The following BATF variants were observed in gnomAD, a reference collection of about 807,000 sequenced individuals.
BATF encodes basic leucine zipper ATF-like transcription factor.
Under a neutral mutation model 13.7 loss-of-function variants are expected in BATF, and 5 were observed. That is an observed-to-expected ratio of 0.36 (90% CI 0.19 to 0.77). BATF has a LOEUF of 0.77. Ranked by LOEUF, BATF falls within the 30% of genes least tolerant of loss-of-function variation. BATF has a pLI of 0.51. For missense variants in BATF, 124 were observed against 163.0 expected (o/e 0.76, Z 1.30); for synonymous variants, 72 against 67.5 (o/e 1.07, Z -0.33).
chr14:75,527,406 G>T (rs146246904), intron 2 of BATF, among the ~76,000 whole-genome samples: 1 of 152,182 alleles, frequency 6.6e-6, no homozygotes, highest in Non-Finnish European at 1.5e-5. Flanking sequence ...TGGTCCCATT[G>T]TATGCCTGGT....
chr14:75,522,937 C>G (rs1337189372), intron 1 of BATF, among the ~76,000 whole-genome samples, 192 bp downstream of exon 1: 2 of 152,186 alleles, frequency 1.3e-5, no homozygotes, highest in Non-Finnish European at 2.9e-5. Context: ...TCCTTCCACC[C>G]ATTCTGCCAA....
intron 2 of BATF, among the ~76,000 whole-genome samples, chr14:75,525,465 C>G (rs1887638713): frequency 6.6e-6 from 1 of 151,866 alleles, no homozygotes; most frequent in Admixed American, 6.6e-5. Flanking sequence ...GAGTTCGAGA[C>G]CAGCCTGGCC....
chr14:75,541,812 C>T (rs763183331), intron 2 of BATF, among the ~76,000 whole-genome samples: 4 of 152,222 alleles, frequency 2.6e-5, no homozygotes, highest in East Asian at 3.9e-4. Context: ...TACAGGCATG[C>T]GCCACCACGC....
chr14:75,524,657 A>C (rs1433338576), intron 1 of BATF, among the ~76,000 whole-genome samples: 1 of 152,218 alleles, frequency 6.6e-6, no homozygotes, highest in Admixed American at 6.5e-5. Flanking sequence ...AGGTTGGCAT[A>C]TAGTAGGCAC....
intron 2 of BATF, among the ~76,000 whole-genome samples, chr14:75,535,242 C>A (rs1442873008): frequency 6.6e-6 from 1 of 151,908 alleles, no homozygotes; most frequent in Non-Finnish European, 1.5e-5. Context: ...CCTGTCTCTA[C>A]AAAATATAAA....
intron 2 of BATF, among the ~76,000 whole-genome samples, 181 bp from the exon 3 acceptor site, chr14:75,546,281 A>G (rs1250443948): frequency 2.0e-5 from 3 of 152,116 alleles, no homozygotes; most frequent in African/African-American, 7.2e-5. Flanking sequence ...GCGCCCATAC[A>G]CACCTACAAA....
At position 75,533,931 on chromosome 14, in the gene BATF, G is replaced by C. The variant is rs78128149; in HGVS notation, c.168+8743G>C. Among the ~76,000 whole-genome samples, 549 of 152,242 alleles carry C rather than the reference G, an allele frequency of 3.6e-3. 4 individuals are homozygous for C. Among genetic ancestry groups the C allele is most frequent in the African/African-American group, 0.013 (529 of 41,536 alleles). On this transcript the variant is annotated intron_variant, in intron 2 of 2. Transcript: ENST00000286639. ...TTGTTTCATGCCACTTTGCTGAACA[G>C]AGCTTTACTAGGCAGGTGTTTACAT...
intron 2 of BATF, among the ~76,000 whole-genome samples, chr14:75,536,922 A>G (rs1566768190): frequency 6.6e-6 from 1 of 152,018 alleles, no homozygotes; most frequent in Non-Finnish European, 1.5e-5. Flanking sequence ...TGAGAGGGCA[A>G]ATGTAAGAAC....
rs1887987558 is a variant in BATF, at chr14:75,546,479, G to A, written c.186G>A (p.Glu62=). The change falls in exon 3 of 3, where the codon GAG becomes GAA. Residue 62 remains glutamate (E), a synonymous_variant. Transcript: ENST00000286639. The part of the protein sequence containing the change: ...DTLHLESEDL[E]KQNAALRKEI... ...CCCTACAGGAGAGCGAAGACCTGGA[G>A]AAACAGAACGCGGCTCTACGCAAGG... 2 of 1,614,056 alleles carry A rather than the reference G, an allele frequency of 1.2e-6. No individual in the cohort carries two copies. The highest frequency in any genetic ancestry group is 1.7e-6 in the Non-Finnish European group (2 of 1,180,034).
chr14:75,546,645 G>A lies in BATF; in HGVS notation c.352G>A (p.Val118Ile). ...YSAHAFHQPH[V>I]SSPRFQP ...CGCCCACGCATTCCACCAACCTCAT[G>A]TCAGCTCCCCGCGCTTCCAGCCCTG... is the stretch of plus-strand genomic sequence containing the variant. Residue 118 changes from valine to isoleucine, a missense_variant, in exon 3 of 3, where the codon GTC (valine) becomes ATC (isoleucine). Transcript: ENST00000286639. 1 of 1,609,316 alleles carries A rather than the reference G, an allele frequency of 6.2e-7. No homozygotes were observed. The highest frequency in any genetic ancestry group is 1.3e-5 in the African/African-American group (1 of 74,880).
intron 2 of BATF, among the ~76,000 whole-genome samples, chr14:75,535,324 T>G (rs1665382854): frequency 6.6e-6 from 1 of 152,054 alleles, no homozygotes; most frequent in Non-Finnish European, 1.5e-5. Flanking sequence ...GGTGGGAAGA[T>G]CACTTGAGCC....
At chr14:75,527,490 CCT>C (rs1176027619) in intron 2 of BATF, among the ~76,000 whole-genome samples, 1 of 152,180 alleles carries the variant, frequency 6.6e-6, no homozygotes, top group Non-Finnish European at 1.5e-5. Flanking sequence ...AAGCTGCACC[CCT>C]GTCTCCCTGT....
chr14:75,537,816 T>A (rs1887840083), intron 2 of BATF, among the ~76,000 whole-genome samples: 1 of 151,952 alleles, frequency 6.6e-6, no homozygotes, highest in South Asian at 2.1e-4. Context: ...ACATATTTAA[T>A]AAAATGAAAA....
intron 2 of BATF, 24 bp from the exon 3 acceptor site, chr14:75,546,438 C>T (rs768583522): frequency 1.1e-5 from 18 of 1,612,800 alleles, no homozygotes; most frequent in Non-Finnish European, 1.4e-5. Flanking sequence ...CACTAACCTC[C>T]GGTGCTGATC....
At chr14:75,546,429 A>G (rs1229919388) in intron 2 of BATF, 33 bp from the exon 3 acceptor site, 2 of 1,610,430 alleles carry the variant, frequency 1.2e-6, no homozygotes, top group Non-Finnish European at 1.7e-6. Flanking sequence ...CTTCCTAGAC[A>G]CTAACCTCCG....
chr14:75,526,545 A>G (rs1887656525), intron 2 of BATF, among the ~76,000 whole-genome samples: 1 of 152,246 alleles, frequency 6.6e-6, no homozygotes, highest in Non-Finnish European at 1.5e-5. Flanking sequence ...CAGCTTTACA[A>G]GGAAACAGAG....
chr14:75,536,636 T>G (rs575205384), intron 2 of BATF, among the ~76,000 whole-genome samples: 1 of 151,894 alleles, frequency 6.6e-6, no homozygotes, highest in East Asian at 1.9e-4. Context: ...GGCGGGAGAT[T>G]TGCTTAAGTC....
chr14:75,538,117 C>T (rs1283438970), intron 2 of BATF, among the ~76,000 whole-genome samples: 1 of 152,080 alleles, frequency 6.6e-6, no homozygotes, highest in Non-Finnish European at 1.5e-5. Context: ...TGCCACTATG[C>T]CTGGTTAACT....
intron 2 of BATF, among the ~76,000 whole-genome samples, chr14:75,535,789 T>C (rs1887808148): frequency 1.3e-5 from 2 of 152,170 alleles, no homozygotes. Context: ...GAAGCTCTTA[T>C]GAAAACTCAG....
Sources: allele counts gnomAD v4.1 joint callset (sites outside exome capture counted in the v4.1 genomes callset), GRCh38; gene constraint gnomAD v4.1.1; transcripts MANE v1.5; gene names NCBI Gene and HGNC (gene_info 2026-07-23, HGNC 2026-07-21).